Variants in CAMTA2 observed in about 807,000 individuals in gnomAD.
CAMTA2 encodes calmodulin binding transcription activator 2.
Under a neutral mutation model 135.7 loss-of-function variants are expected in CAMTA2, and 56 were observed. The ratio of observed to expected loss-of-function variants is 0.41; its 90% CI spans 0.33 to 0.52. The LOEUF is 0.52. Ranked by LOEUF, CAMTA2 falls within the 20% of genes least tolerant of loss-of-function variation. CAMTA2 has a pLI of 0.16. For synonymous variants in CAMTA2, 591 were observed against 604.6 expected, an observed-to-expected ratio of 0.98 and a Z score of 0.33; for missense variants, 1,358 against 1,553.4, an observed-to-expected ratio of 0.87 and a Z score of 2.11.
Position 4,974,499 on chromosome 17 carries a change from G to C in CAMTA2, c.1902C>G (p.Asp634Glu). The C allele has an allele frequency of 6.2e-7, 1 of 1,605,974 alleles. No homozygotes were observed. The highest frequency in any genetic ancestry group is 8.5e-7 in the Non-Finnish European group (1 of 1,172,628). Reference sequence around the variant, plus strand: ...CTAGTATGGACATCCGGAACTGGTTGTCTGAGGGGGAACGGGTATGGGAGG... The same window carrying C: ...CTAGTATGGACATCCGGAACTGGTTCTCTGAGGGGGAACGGGTATGGGAGG... ...STQLDWLSLD[D>E]NQFRMSILER... The change falls in exon 12 of 23, where the codon GAC becomes GAG. Residue 634 changes from aspartate to glutamate, a missense_variant and splice_region_variant. Around this residue, in one of 4 missense-constraint regions of CAMTA2, gnomAD observed 1,077 missense variants for 1,127.5 expected, o/e 0.96. Transcript: ENST00000348066.
At chr17:4,970,638 C>T in intron 16 of CAMTA2, 102 bp from the exon 17 acceptor site, 2 of 945,298 alleles carry the variant, frequency 2.1e-6, no homozygotes, top group Non-Finnish European at 3.3e-6. Context: ...CCAGGTGCTG[C>T]TAACCCTGTC....
chr17:4,979,554 G>T, intron 9 of CAMTA2, 130 bp downstream of exon 9: 3 of 502,576 alleles, frequency 6.0e-6, no homozygotes, highest in Non-Finnish European at 1.1e-5. Context: ...AGAGGACTAA[G>T]AAGCCTAAGA....
intron 12 of CAMTA2, chr17:4,974,168 A>C: frequency 9.0e-6 from 5 of 553,958 alleles, no homozygotes; most frequent in East Asian, 3.2e-5. Flanking sequence ...TCTTCAGACC[A>C]GAAATAGTCT....
At chr17:4,971,730 C>G (rs1399533500) in intron 16 of CAMTA2, among the ~76,000 whole-genome samples, 1 of 149,956 alleles carries the variant, frequency 6.7e-6, no homozygotes. Flanking sequence ...AGTCTGTCAC[C>G]CAGGCTGGAG....
chr17:4,984,174 T>G (rs1375653313), intron 3 of CAMTA2, among the ~76,000 whole-genome samples: 3 of 151,718 alleles, frequency 2.0e-5, no homozygotes, highest in East Asian at 3.9e-4. Context: ...ATGGTCTTGA[T>G]CTCCCGACCT....
chr17:4,968,827 G>A lies in CAMTA2; in HGVS notation c.3546-8C>T, dbSNP rs1567680432. The A allele has an allele frequency of 3.1e-6, 5 of 1,613,784 alleles. No homozygotes were observed. The Middle Eastern group carries it at 5.0e-4, about 160-fold the overall frequency. On this transcript the variant is annotated splice_region_variant and splice_polypyrimidine_tract_variant and intron_variant, in intron 22 of 22. Coordinates refer to ENST00000348066, the MANE Select transcript of CAMTA2 (RefSeq NM_015099.4). ...TGCTTCAGTTCCCTCATCCTGCAGA[G>A]AGAAAGATAGGAGTCAGAGGAGACT...
At chr17:4,974,577 A>G (rs931759977) in intron 11 of CAMTA2, 77 bp from the exon 12 acceptor site, 46 of 841,064 alleles carry the variant, frequency 5.5e-5, no homozygotes, top group Non-Finnish European at 9.2e-5. Flanking sequence ...ACCTGTCCCA[A>G]GATCTGGGGA....
At position 4,968,913 on chromosome 17, in the gene CAMTA2, C is replaced by T. The variant is rs759524981; in HGVS notation, c.3539G>A (p.Arg1180Gln). 3 of 1,613,964 alleles carry T rather than the reference C, an allele frequency of 1.9e-6. No homozygotes were observed. Among genetic ancestry groups the T allele is most frequent in the African/African-American group, 1.3e-5 (1 of 74,910 alleles). ...GGGGAGAAGGGATGAGTACCTGTGT[C>T]GGCAGCGCCGCAGGAATCTCATGAT... is the stretch of plus-strand genomic sequence containing the variant. ...RKIMRFLRRCRHRMRELKQNQ... is the reference protein window; with the variant it reads ...RKIMRFLRRCQHRMRELKQNQ... The change falls in exon 22 of 23, where the codon CGA becomes CAA. Residue 1180 changes from arginine to glutamine, a missense_variant. Physicochemically the swap from Arg to Gln is conservative, Grantham distance 43. This residue lies in a region of CAMTA2 where 167 missense variants were observed against 207.0 expected (regional missense o/e 0.81). Transcript: ENST00000348066.
At chr17:4,982,661 G>A in intron 5 of CAMTA2, 96 bp downstream of exon 5, 1 of 1,380,094 alleles carries the variant, frequency 7.2e-7, no homozygotes, top group African/African-American at 1.4e-5. Context: ...GGGGACTGAG[G>A]TGGACAATGC....
chr17:4,981,672 C>T lies in CAMTA2; in HGVS notation c.565+6G>A. ...TTGGAGCTCTATCCCCACCCTGCTG[C>T]CTTACACATGGGCTTCAGCTGTCCC... is the stretch of plus-strand genomic sequence containing the variant. On this transcript the variant is annotated splice_donor_region_variant and intron_variant, in intron 7 of 22. Transcript: ENST00000348066. The T allele has an allele frequency of 6.3e-7, 1 of 1,593,618 alleles. No homozygotes were observed. The highest frequency in any genetic ancestry group is 8.6e-7 in the Non-Finnish European group (1 of 1,168,602).
intron 10 of CAMTA2, among the ~76,000 whole-genome samples, chr17:4,978,023 T>C (rs1972722133): frequency 6.6e-6 from 1 of 152,206 alleles, no homozygotes; most frequent in African/African-American, 2.4e-5. Context: ...TTAACTTTAA[T>C]TAATAGGCAC....
intron 3 of CAMTA2, among the ~76,000 whole-genome samples, 160 bp downstream of exon 3, chr17:4,985,720 G>A (rs766476012): frequency 3.3e-5 from 5 of 152,050 alleles, no homozygotes; most frequent in Non-Finnish European, 7.4e-5. Context: ...CACCATGCCC[G>A]GCCAAGATCC....
intron 3 of CAMTA2, among the ~76,000 whole-genome samples, chr17:4,985,360 A>C (rs764403094): frequency 2.6e-5 from 4 of 152,268 alleles, no homozygotes; most frequent in African/African-American, 4.8e-5. Flanking sequence ...CTTTACTGGC[A>C]GTAGCTTTTG....
At chr17:4,975,359 G>A (rs1972550171) in intron 11 of CAMTA2, among the ~76,000 whole-genome samples, 1 of 151,880 alleles carries the variant, frequency 6.6e-6, no homozygotes. Context: ...AGGAGAGAAA[G>A]GACAAAGGAG....
chr17:4,978,798 TC>T, intron 9 of CAMTA2, among the ~76,000 whole-genome samples, 168 bp from the exon 10 acceptor site: 1 of 152,090 alleles, frequency 6.6e-6, no homozygotes. Flanking sequence ...TGAGTCTATC[TC>T]TCCCCAACAT....
chr17:4,978,548 G>A lies in CAMTA2; in HGVS notation c.1721C>T (p.Pro574Leu). The A allele has an allele frequency of 6.2e-7, 1 of 1,614,152 alleles. No homozygotes were observed. The highest frequency in any genetic ancestry group is 8.5e-7 in the Non-Finnish European group (1 of 1,179,992). ...YSCVFDHIAVPASLVQPGVLR... is the reference protein window; with the variant it reads ...YSCVFDHIAVLASLVQPGVLR... ...GACACCAGGCTGGACAAGTGAGGCT[G>A]GCACTGCGATGTGATCAAAGACACA... Residue 574 changes from proline (P) to leucine (L), a missense_variant, in exon 10 of 23, where the codon CCA becomes CTA. Around this residue, in one of 4 missense-constraint regions of CAMTA2, gnomAD observed 1,077 missense variants for 1,127.5 expected, o/e 0.96. Transcript: ENST00000348066.
At position 4,968,913 on chromosome 17, in the gene CAMTA2, C is replaced by G. The variant is rs759524981; in HGVS notation, c.3539G>C (p.Arg1180Pro). ...GGGGAGAAGGGATGAGTACCTGTGT[C>G]GGCAGCGCCGCAGGAATCTCATGAT... is the stretch of plus-strand genomic sequence containing the variant. ...RKIMRFLRRC[R>P]HRMRELKQNQ... Residue 1180 changes from arginine (R) to proline (P), a missense_variant, in exon 22 of 23, where the codon CGA becomes CCA. Coordinates refer to ENST00000348066, the MANE Select transcript of CAMTA2 (RefSeq NM_015099.4). 6.2e-7 allele frequency: 1 copy of G among 1,614,082 alleles called. No individual in the cohort carries two copies. Among genetic ancestry groups the G allele is most frequent in the Non-Finnish European group, 8.5e-7 (1 of 1,179,978 alleles).
intron 1 of CAMTA2, chr17:4,986,953 C>T (rs1300608820): frequency 1.3e-6 from 2 of 1,516,664 alleles, no homozygotes; most frequent in Middle Eastern, 1.7e-4. Flanking sequence ...GCCTAGCCTA[C>T]CCCATCTACC....
At chr17:4,976,297 C>T (rs1381784135) in intron 11 of CAMTA2, among the ~76,000 whole-genome samples, 6 of 152,094 alleles carry the variant, frequency 3.9e-5, no homozygotes, top group South Asian at 2.1e-4. Flanking sequence ...CGAGCCACCG[C>T]GCCCAGCCAG....
Sources: allele counts gnomAD v4.1 joint callset (sites outside exome capture counted in the v4.1 genomes callset), GRCh38; gene constraint gnomAD v4.1.1; regional missense constraint gnomAD v4.1.1; transcripts MANE v1.5; gene names NCBI Gene and HGNC (gene_info 2026-07-23, HGNC 2026-07-21).